The following MYH10 variants were observed in gnomAD, a reference collection of about 807,000 sequenced individuals.
MYH10 encodes the protein myosin-10.
MYH10 carries 55 observed loss-of-function variants against 257.8 expected under a neutral mutation model. The observed-to-expected ratio is 0.21, with a 90% confidence interval of 0.17 to 0.27. The LOEUF (loss-of-function observed/expected upper bound fraction) is 0.27, where lower values mean the gene tolerates loss of function less well. Among genes scored for constraint, MYH10 ranks in the 10% least tolerant of loss-of-function variants. The pLI is 1.00. For missense variants in MYH10, 1,631 were observed against 2,500.6 expected, an observed-to-expected ratio of 0.65 and a Z score of 7.42; for synonymous variants, 854 against 921.7, an observed-to-expected ratio of 0.93 and a Z score of 1.33.
At chr17:8,536,524 G>A (rs1468135709) in intron 14 of MYH10, among the ~76,000 whole-genome samples, 1 of 152,136 alleles carries the variant, frequency 6.6e-6, no homozygotes, top group African/African-American at 2.4e-5. Context: ...TTTATGTGAT[G>A]CAATTATTAC....
chr17:8,610,749 A>G (rs2085009630), intron 2 of MYH10, among the ~76,000 whole-genome samples: 2 of 152,202 alleles, frequency 1.3e-5, no homozygotes, highest in African/African-American at 4.8e-5. Flanking sequence ...GCCCCACCAG[A>G]TGCAGCCCCT....
In MYH10 at chr17:8,499,418, G is replaced by A. The variant is rs770300900; in HGVS notation, c.3803C>T (p.Ala1268Val). The change falls in exon 30 of 43, where the codon GCG (alanine) becomes GTG (valine). Residue 1268 changes from alanine (A) to valine (V), a missense_variant. This residue lies in a region of MYH10 where 463 missense variants were observed against 621.8 expected (regional missense o/e 0.74). Transcript: ENST00000360416. ...QGLETDNKEL[A>V]CEVKVLQQVK... The stretch of plus-strand genomic sequence containing the variant: ...CTGCTGCAGGACCTTCACCTCACAC[G>A]CCAGCTCCTTGTTATCTGTCTCCAG... The A allele has an allele frequency of 9.3e-6, 15 of 1,613,930 alleles. No homozygotes were observed. Among genetic ancestry groups the A allele is most frequent in the East Asian group, 6.7e-5 (3 of 44,884 alleles).
At chr17:8,482,943 T>C (rs1914095982) in intron 37 of MYH10, among the ~76,000 whole-genome samples, 1 of 152,242 alleles carries the variant, frequency 6.6e-6, no homozygotes. Context: ...ACTTCATTGA[T>C]GAACATGCAT....
chr17:8,499,241 C>A (rs116975567), intron 30 of MYH10, 29 bp downstream of exon 30: 6 of 1,601,254 alleles, frequency 3.7e-6, no homozygotes, highest in African/African-American at 1.3e-5. Context: ...TACAGTGGGA[C>A]GTGTGTAGAG....
chr17:8,504,768 C>T lies in MYH10; in HGVS notation c.3525G>A (p.Leu1175=). 6.2e-7 allele frequency: 1 copy of T among 1,614,232 alleles called. No homozygotes were observed. The highest frequency in any genetic ancestry group is 8.5e-7 in the Non-Finnish European group (1 of 1,180,052). The change falls in exon 28 of 43, where the codon TTG becomes TTA. Residue 1175 remains leucine, a synonymous_variant. Transcript: ENST00000360416. This position sits in a 1 kb window ranked among gnomAD's most constrained non-coding sequence, Gnocchi z 5.6. ...TTTTCAGAGCTTCCAGTTCCTCACT[C>T]AAGTCCCTTTTCTGCTTTTCGGCCT... ...RNKAEKQKRD[L]SEELEALKTE... is the part of the protein sequence containing the mutation.
intron 17 of MYH10, 134 bp downstream of exon 17, chr17:8,530,489 C>T: frequency 1.6e-6 from 1 of 606,398 alleles, no homozygotes; most frequent in Non-Finnish European, 2.9e-6. Flanking sequence ...AAAACAAAAA[C>T]AGAAACCCAA....
At chr17:8,550,784 T>C (rs1220671486) in intron 9 of MYH10, among the ~76,000 whole-genome samples, 5 of 152,002 alleles carry the variant, frequency 3.3e-5, no homozygotes, top group Non-Finnish European at 7.4e-5. Context: ...CTTTTCATTT[T>C]GTTCTGTACT....
chr17:8,504,623 C>T lies in MYH10; in HGVS notation c.3599+71G>A. 1.5e-6 allele frequency: 2 copies of T among 1,345,404 alleles called. No homozygotes were observed. The highest frequency in any genetic ancestry group is 2.3e-5 in the East Asian group (1 of 43,404). 83.3% of individuals were successfully genotyped at this position (1,345,404 alleles called of 1,614,324 possible). A position where few individuals can be genotyped will look rare whatever the true frequency, so the allele number is the denominator to read the frequency against. On this transcript the variant is annotated intron_variant, in intron 28 of 42. Transcript: ENST00000360416. The surrounding 1 kb of genome is among the most constrained non-coding windows in gnomAD (Gnocchi z 5.6). Reference sequence around the variant, plus strand: ...CACCTCCCAAAGATAGCAAGCACACCAGGCATTTCTGCACGGGCTCGGTGG... The same window carrying T: ...CACCTCCCAAAGATAGCAAGCACACTAGGCATTTCTGCACGGGCTCGGTGG...
chr17:8,520,867 G>A lies in MYH10; in HGVS notation c.2273+11C>T, dbSNP rs779714230. The A allele has an allele frequency of 1.9e-6, 3 of 1,588,368 alleles. No individual in the cohort carries two copies. The highest frequency in any genetic ancestry group is 1.2e-5 in the South Asian group (1 of 86,368). On this transcript the variant is annotated intron_variant, in intron 19 of 42. Transcript: ENST00000360416. ...TGATACATAAGCAAAAAAAGTAAAA[G>A]TTAGCAATACCTCTGTCTGAATTCC... is the stretch of plus-strand genomic sequence containing the variant.
intron 42 of MYH10, 40 bp from the exon 43 acceptor site, chr17:8,475,988 CAGG>C: frequency 1.3e-6 from 2 of 1,592,100 alleles, no homozygotes; most frequent in Non-Finnish European, 1.7e-6. Context: ...GGTAAACAGA[CAGG>C]AGCACATGGC....
At chr17:8,485,229 A>G (rs147089993) in intron 36 of MYH10, among the ~76,000 whole-genome samples, 321 of 152,312 alleles carry the variant, frequency 2.1e-3, no homozygotes, top group African/African-American at 7.2e-3. Flanking sequence ...AAATAAAGCA[A>G]TTACATTTAT....
intron 16 of MYH10, among the ~76,000 whole-genome samples, chr17:8,534,130 A>ATAC (rs2082078665): frequency 6.6e-6 from 1 of 152,172 alleles, no homozygotes; most frequent in South Asian, 2.1e-4. Flanking sequence ...AACTCTGAGG[A>ATAC]TACTGTAAGT....
intron 4 of MYH10, among the ~76,000 whole-genome samples, chr17:8,588,030 G>A (rs906944069): frequency 2.0e-5 from 3 of 151,734 alleles, no homozygotes; most frequent in African/African-American, 7.3e-5. Flanking sequence ...CCTCTGTCCC[G>A]AAATGCCTCT....
intron 3 of MYH10, among the ~76,000 whole-genome samples, chr17:8,592,970 T>TATATATATATATATATATATATA (rs1567953268): frequency 4.1e-5 from 5 of 121,968 alleles, no homozygotes; most frequent in Non-Finnish European, 8.7e-5. Flanking sequence ...TATATATATA[T>TATATATATATATATATATATATA]AAAAGATGAT....
intron 4 of MYH10, among the ~76,000 whole-genome samples, chr17:8,579,929 C>G (rs1252257747): frequency 6.6e-6 from 1 of 152,148 alleles, no homozygotes; most frequent in African/African-American, 2.4e-5. Flanking sequence ...CTCCCAATAT[C>G]AATGACTGAC....
chr17:8,532,022 G>A (rs1434564352), intron 16 of MYH10, among the ~76,000 whole-genome samples: 3 of 152,104 alleles, frequency 2.0e-5, no homozygotes, highest in African/African-American at 7.2e-5. Context: ...CTGCTTCTCT[G>A]CCTGCTCCTC....
intron 2 of MYH10, among the ~76,000 whole-genome samples, chr17:8,614,295 A>G (rs2085158952): frequency 6.7e-6 from 1 of 150,232 alleles, no homozygotes; most frequent in African/African-American, 2.4e-5. Context: ...TTAGAAAGTA[A>G]GCAATTCACT....
chr17:8,509,930 T>A lies in MYH10; in HGVS notation c.2972A>T (p.Asp991Val). The change falls in exon 25 of 43, where the codon GAC (aspartate) becomes GTC (valine). Residue 991 changes from aspartate to valine, a missense_variant. Physicochemically the swap from Asp to Val is radical, Grantham distance 152. Coordinates refer to ENST00000360416, the MANE Select transcript of MYH10 (RefSeq NM_001256012.3). The stretch of plus-strand genomic sequence containing the variant: ...CTTTTGCCGAGCCCCTTCCTCCTCG[T>A]CTAGCTGTTCTTCCAGGTCCTTGTG... ...AHIQDLEEQL[D>V]EEEGARQKLQ... The A allele has an allele frequency of 6.2e-7, 1 of 1,612,328 alleles. No homozygotes were observed. Among genetic ancestry groups the A allele is most frequent in the Non-Finnish European group, 8.5e-7 (1 of 1,179,216 alleles).
intron 9 of MYH10, among the ~76,000 whole-genome samples, chr17:8,550,625 C>A (rs1477705254): frequency 2.0e-5 from 3 of 152,160 alleles, no homozygotes; most frequent in South Asian, 2.1e-4. Flanking sequence ...CGGCCACCAC[C>A]CCGTCTGGGA....
Sources: gnomAD v4.1 joint callset for allele counts (sites outside exome capture counted in the v4.1 genomes callset) on GRCh38, gnomAD v4.1.1 for gene constraint, gnomAD v4.1.1 regional missense constraint, Gnocchi (gnomAD v3.1) non-coding constraint, MANE v1.5 for transcripts, NCBI Gene and HGNC (gene_info 2026-07-23, HGNC 2026-07-21) for gene names.